The following EXOC1 variants were observed in gnomAD, a reference collection of about 807,000 sequenced individuals.
EXOC1 encodes SEC3-like 1.
In EXOC1, 67 loss-of-function variants were observed where a neutral mutation model predicts 107.7. That is an observed-to-expected ratio of 0.62 (90% CI 0.51 to 0.76). The LOEUF is 0.76. Ranked by LOEUF, EXOC1 falls within the 30% of genes least tolerant of loss-of-function variation. EXOC1 has a pLI of 0.00. For synonymous variants in EXOC1, 348 were observed against 353.5 expected (o/e 0.98, Z 0.17); for missense variants, 833 against 1,055.7 (o/e 0.79, Z 2.92).
At chr4:55,866,767 T>C in intron 4 of EXOC1, 2 of 574,780 alleles carry the variant, frequency 3.5e-6, no homozygotes, top group Non-Finnish European at 4.4e-6. Context: ...GAAGTTCAAA[T>C]GAGATATGGG....
chr4:55,879,231 T>C (rs1723170758), intron 9 of EXOC1, among the ~76,000 whole-genome samples: 1 of 152,202 alleles, frequency 6.6e-6, no homozygotes, highest in South Asian at 2.1e-4. Flanking sequence ...GTACGTATTC[T>C]AGAGGAGACA....
Position 55,864,210 on chromosome 4 carries a change from G to A in EXOC1, c.256-17G>A. On this transcript the variant is annotated splice_polypyrimidine_tract_variant and intron_variant, in intron 3 of 18. Coordinates refer to ENST00000381295, the MANE Select transcript of EXOC1 (RefSeq NM_001024924.2). ...GATGTGATCAAAAATAATATCTTTT[G>A]TATATTTTTATTTTAGGAAAATCCT... 7.0e-7 allele frequency: 1 copy of A among 1,428,556 alleles called. No individual in the cohort carries two copies. The highest frequency in any genetic ancestry group is 9.6e-7 in the Non-Finnish European group (1 of 1,046,334). 88.5% of individuals were successfully genotyped at this position (1,428,556 alleles called of 1,614,324 possible).
intron 18 of EXOC1, among the ~76,000 whole-genome samples, chr4:55,903,146 T>TAAAAAA (rs1560369832): frequency 1.1e-5 from 1 of 88,988 alleles, no homozygotes. Flanking sequence ...CGTGTCTCAA[T>TAAAAAA]TAAAAAAAAA....
chr4:55,899,233 C>A (rs887398562), intron 16 of EXOC1, among the ~76,000 whole-genome samples: 2 of 152,080 alleles, frequency 1.3e-5, no homozygotes, highest in African/African-American at 4.8e-5. Flanking sequence ...CCATTCTTAG[C>A]AAGGTCACAC....
At chr4:55,878,658 C>T (rs1194346770) in intron 9 of EXOC1, among the ~76,000 whole-genome samples, 3 of 152,142 alleles carry the variant, frequency 2.0e-5, no homozygotes, top group African/African-American at 7.2e-5. Flanking sequence ...TATCAGACTT[C>T]AGTTGATTTT....
chr4:55,901,613 C>G lies in EXOC1; in HGVS notation c.2338-731C>G, dbSNP rs551566127. On this transcript the variant is annotated intron_variant, in intron 17 of 18. Coordinates refer to ENST00000381295, the MANE Select transcript of EXOC1 (RefSeq NM_001024924.2). ...AATGGGGCAAGGGGCTGAATCACTACTAAACATATAAAAGCAGGTTAACCT... is the reference window on the plus strand; with the variant it reads ...AATGGGGCAAGGGGCTGAATCACTAGTAAACATATAAAAGCAGGTTAACCT... Among the ~76,000 whole-genome samples the G allele has an allele frequency of 5.3e-5, 8 of 152,144 alleles. No homozygotes were observed. The South Asian group carries it at 1.7e-3, about 32-fold the overall frequency.
intron 10 of EXOC1, 161 bp from the exon 11 acceptor site, chr4:55,888,727 C>A: frequency 1.6e-6 from 1 of 627,372 alleles, no homozygotes; most frequent in Non-Finnish European, 2.8e-6. Context: ...CAGTAGGTGA[C>A]CAACTAAACA....
intron 15 of EXOC1, 136 bp from the exon 16 acceptor site, chr4:55,896,581 C>T (rs1725233974): frequency 1.6e-6 from 1 of 611,554 alleles, no homozygotes; most frequent in African/African-American, 1.9e-5. Flanking sequence ...CCAAAGTGTT[C>T]TAGGTACCAC....
Position 55,890,528 on chromosome 4 carries a change from T to TG in EXOC1, c.1539+145dup, listed in dbSNP as rs1251370371. ...CATGTCTTTCCAACTGAATCGAATC[T>TG]GGGAAAAAAAAAAAAAAAAACTAGT... On this transcript the variant is annotated intron_variant, in intron 12 of 18. Transcript: ENST00000381295. The TG allele has an allele frequency of 3.0e-4, 111 of 364,070 alleles. No individual in the cohort carries two copies. In the East Asian group the frequency reaches 3.5e-3, roughly 12 times the overall value. 22.6% of individuals were successfully genotyped at this position (364,070 alleles called of 1,614,324 possible). A position where few individuals can be genotyped will look rare whatever the true frequency, so the allele number is the denominator to read the frequency against.
In EXOC1 at chr4:55,891,357, G is replaced by T. The variant is rs1459544855; in HGVS notation, c.1582G>T (p.Ala528Ser). The change falls in exon 13 of 19, where the codon GCA becomes TCA. Residue 528 changes from alanine (A) to serine (S), a missense_variant. This residue lies in a region of EXOC1 where 617 missense variants were observed against 701.3 expected (regional missense o/e 0.88). Transcript: ENST00000381295. ...VLSELEPLCL[A>S]EQDFISKFFK... ...AAGTGAACTGGAGCCCCTATGTCTG[G>T]CAGAACAGGACTTCATAAGTAAATT... The T allele has an allele frequency of 2.5e-6, 4 of 1,613,808 alleles. No homozygotes were observed. The highest frequency in any genetic ancestry group is 2.5e-6 in the Non-Finnish European group (3 of 1,179,936).
Position 55,871,882 on chromosome 4 carries a change from A to G in EXOC1, c.998A>G (p.Gln333Arg), listed in dbSNP as rs1170498725. 1 of 1,613,750 alleles carries G rather than the reference A, an allele frequency of 6.2e-7. No homozygotes were observed. Among genetic ancestry groups the G allele is most frequent in the African/African-American group, 1.3e-5 (1 of 74,908 alleles). The change falls in exon 8 of 19, where the codon CAG (glutamine) becomes CGG (arginine). Residue 333 changes from glutamine (Q) to arginine (R), a missense_variant. Physicochemically the swap from Gln to Arg is conservative, Grantham distance 43 (BLOSUM62 1). Coordinates refer to ENST00000381295, the MANE Select transcript of EXOC1 (RefSeq NM_001024924.2). ...HDLLLAVKQQ[Q>R]QRFSDLRELF... ...TTGCTTCTGGCAGTCAAACAGCAACAGCAGCGATTCAGTGATTTGCGAGAG... is the reference window on the plus strand; with the variant it reads ...TTGCTTCTGGCAGTCAAACAGCAACGGCAGCGATTCAGTGATTTGCGAGAG...
At chr4:55,891,564 GGAT>G in intron 13 of EXOC1, 142 bp downstream of exon 13, 1 of 590,780 alleles carries the variant, frequency 1.7e-6, no homozygotes, top group Non-Finnish European at 2.9e-6. Flanking sequence ...TAAGGATTTA[GGAT>G]GTAAGGAATT....
chr4:55,854,356 A>G (rs377034727), intron 1 of EXOC1, among the ~76,000 whole-genome samples: 105 of 152,302 alleles, frequency 6.9e-4, no homozygotes, highest in African/African-American at 2.5e-3. Context: ...TGGTGGTCCA[A>G]CTGAGCTGAA....
In EXOC1 at chr4:55,893,689, G is replaced by A; in HGVS notation, c.1862G>A (p.Trp621Ter). Reference sequence around the variant, plus strand: ...TTAGTCAAAATGAGTCATCATGTGTGGACTGCACAAAATGTGGACCCTGCT... The same window carrying A: ...TTAGTCAAAATGAGTCATCATGTGTAGACTGCACAAAATGTGGACCCTGCT... ...YMLVKMSHHV[W>*]TAQNVDPASF... The change falls in exon 15 of 19, where the codon TGG (tryptophan) becomes TAG (stop). Residue 621 changes from tryptophan (W) to a stop codon, truncating the protein, a stop_gained. Transcript: ENST00000381295. LOFTEE classifies it high-confidence loss of function. 1.2e-6 allele frequency: 2 copies of A among 1,614,046 alleles called. No homozygotes were observed. Among genetic ancestry groups the A allele is most frequent in the Non-Finnish European group, 1.7e-6 (2 of 1,179,994 alleles).
intron 5 of EXOC1, among the ~76,000 whole-genome samples, chr4:55,869,356 ACT>A (rs905254735): frequency 1.2e-4 from 19 of 152,214 alleles, no homozygotes; most frequent in Non-Finnish European, 2.6e-4. Flanking sequence ...ACAGAGTGAC[ACT>A]CTGTCTCAAA....
chr4:55,904,508 A>T lies in EXOC1; in HGVS notation c.*13A>T. ...ACAGTCCCACTAAACCTTGTGAAAG[A>T]AGAAAAGATAACTGAATGAAGCATT... On this transcript the variant is annotated 3_prime_UTR_variant, in exon 19 of 19. Coordinates refer to ENST00000381295, the MANE Select transcript of EXOC1 (RefSeq NM_001024924.2). 6.3e-7 allele frequency: 1 copy of T among 1,598,680 alleles called. No homozygotes were observed. Among genetic ancestry groups the T allele is most frequent in the Non-Finnish European group, 8.5e-7 (1 of 1,172,328 alleles).
intron 8 of EXOC1, chr4:55,875,564 G>GGT: frequency 1.0e-6 from 1 of 984,486 alleles, no homozygotes; most frequent in South Asian, 4.7e-5. Flanking sequence ...GGGTTACCTT[G>GGT]AACAAGTTAA....
At chr4:55,866,791 A>G in intron 4 of EXOC1, 1 of 875,170 alleles carries the variant, frequency 1.1e-6, no homozygotes, top group Non-Finnish European at 1.4e-6. Flanking sequence ...TATTTTAAAA[A>G]TTTAAGCCTG....
At chr4:55,886,668 C>T (rs1405195588) in intron 10 of EXOC1, among the ~76,000 whole-genome samples, 2 of 150,840 alleles carry the variant, frequency 1.3e-5, no homozygotes, top group Non-Finnish European at 2.9e-5. Flanking sequence ...AGAATGATGA[C>T]TTTTCAATGA....
Sources: gnomAD v4.1 joint callset for allele counts (sites outside exome capture counted in the v4.1 genomes callset) on GRCh38, gnomAD v4.1.1 for gene constraint, gnomAD v4.1.1 regional missense constraint, MANE v1.5 for transcripts, NCBI Gene and HGNC (gene_info 2026-07-23, HGNC 2026-07-21) for gene names.